USP9X: variants seen among roughly 807,000 people sequenced by gnomAD.
USP9X encodes the protein ubiquitin specific peptidase 9 X-linked.
In USP9X, 7 loss-of-function variants were observed where a neutral mutation model predicts 190.3. The ratio of observed to expected loss-of-function variants is 0.04; its 90% CI spans 0.02 to 0.07. USP9X has a LOEUF of 0.07. USP9X is among the 10% of genes least tolerant of loss of function. USP9X has a pLI of 1.00. For synonymous variants in USP9X, 645 were observed against 659.5 expected (o/e 0.98, Z 0.34); for missense variants, 1,010 against 1,916.9 (o/e 0.53, Z 8.83).
At chrX:41,147,779 C>T (rs769363984) in intron 11 of USP9X, among the ~76,000 whole-genome samples, 2 of 111,954 alleles carry the variant, frequency 1.8e-5, no homozygotes, top group African/African-American at 3.2e-5. Context: ...TGCTGTTTGA[C>T]GTTAAGTTCG....
chrX:41,219,375 C>T, intron 38 of USP9X, 144 bp downstream of exon 38: 3 of 558,637 alleles, frequency 5.4e-6, no homozygotes, highest in South Asian at 7.1e-5. Flanking sequence ...CTGAACATGG[C>T]ACTTTCACCT....
intron 31 of USP9X, among the ~76,000 whole-genome samples, chrX:41,202,980 C>A (rs188953489): frequency 2.7e-5 from 3 of 111,293 alleles, no homozygotes; most frequent in African/African-American, 9.8e-5. Context: ...GTTTTTGTTT[C>A]CATCCCTAGA....
At chrX:41,099,096 GTTTTTTT>G (rs34179321) in intron 1 of USP9X, among the ~76,000 whole-genome samples, 4 of 44,274 alleles carry the variant, frequency 9.0e-5, no homozygotes, top group East Asian at 9.8e-4. Context: ...CCAGATAATT[GTTTTTTT>G]TTTTTTTTTT....
chrX:41,203,099 T>A (rs2063057455), intron 31 of USP9X, among the ~76,000 whole-genome samples: 1 of 112,431 alleles, frequency 8.9e-6, no homozygotes, highest in Admixed American at 9.4e-5. Flanking sequence ...AACACATTCT[T>A]CTTTGTAGCT....
intron 11 of USP9X, among the ~76,000 whole-genome samples, chrX:41,147,949 G>A (rs2062485285): frequency 9.0e-6 from 1 of 111,129 alleles, no homozygotes; most frequent in Non-Finnish European, 1.9e-5. Flanking sequence ...CAGCTTAACC[G>A]TGAGTTTTGG....
chrX:41,156,945 A>G (rs2062584354), intron 14 of USP9X, among the ~76,000 whole-genome samples: 2 of 111,890 alleles, frequency 1.8e-5, no homozygotes, highest in Admixed American at 1.9e-4. Context: ...AGATAAAGAG[A>G]TGGCCAAGAC....
rs2062208548 is a variant in USP9X, at chrX:41,123,570, C to A, written c.-59C>A. Reference sequence around the variant, plus strand: ...ATCTTCTATAAGTGGACTATAATTTCTTTTCTCAAGACAACTACATAAGCA... The same window carrying A: ...ATCTTCTATAAGTGGACTATAATTTATTTTCTCAAGACAACTACATAAGCA... On this transcript the variant is annotated 5_prime_UTR_variant, in exon 2 of 45. Coordinates refer to ENST00000378308, the MANE Select transcript of USP9X (RefSeq NM_001039591.3). 3 of 1,016,716 alleles carry A rather than the reference C, an allele frequency of 3.0e-6. No homozygotes were observed. The highest frequency in any genetic ancestry group is 4.1e-6 in the Non-Finnish European group (3 of 728,160). 83.8% of individuals were successfully genotyped at this position (1,016,716 alleles called of 1,213,427 possible).
chrX:41,150,047 G>C (rs975220743), intron 12 of USP9X, among the ~76,000 whole-genome samples: 4 of 110,280 alleles, frequency 3.6e-5, no homozygotes, highest in African/African-American at 1.3e-4. Flanking sequence ...CGATTATGGC[G>C]CCATTAAAAG....
At chrX:41,168,339 AC>A in intron 18 of USP9X, 121 bp downstream of exon 18, 1 of 638,766 alleles carries the variant, frequency 1.6e-6, no homozygotes. Context: ...CCCATTAAAA[AC>A]ATTTTCATTT....
At chrX:41,203,642 A>G (rs1345670875) in intron 31 of USP9X, among the ~76,000 whole-genome samples, 1 of 111,712 alleles carries the variant, frequency 9.0e-6, no homozygotes, top group African/African-American at 3.3e-5. Flanking sequence ...CAATATTTCC[A>G]GGCATATGCT....
At position 41,171,650 on chromosome X, in the gene USP9X, T is replaced by A. The variant is rs41311841; in HGVS notation, c.3028-188T>A. 62,153 of 510,105 alleles carry A rather than the reference T, an allele frequency of 0.12. 3,287 individuals carry two copies. The highest frequency in any genetic ancestry group is 0.25 in the Admixed American group (9,036 of 35,697). 42.0% of individuals were successfully genotyped at this position (510,105 alleles called of 1,213,427 possible). On this transcript the variant is annotated intron_variant, in intron 20 of 44. Coordinates refer to ENST00000378308, the MANE Select transcript of USP9X (RefSeq NM_001039591.3). ...CACAAAAAAATGACTGGAAGTGACT[T>A]GATGATGTATTTGATCTGCACTATT...
chrX:41,215,748 G>A (rs1371516902), intron 34 of USP9X, 151 bp from the exon 35 acceptor site: 73 of 538,033 alleles, frequency 1.4e-4, no homozygotes, highest in Non-Finnish European at 1.6e-4. Flanking sequence ...TCAGCTGATA[G>A]GATTATCTTG....
Position 41,208,677 on chromosome X carries a change from A to AT in USP9X, c.5016-1822dup, listed in dbSNP as rs376230706. ...CATATGTGTGCTTGGTTTTTGGTTT[A>AT]TTTTTTTTTTAAGTTTTGTTTGTTT... On this transcript the variant is annotated intron_variant, in intron 32 of 44. Transcript: ENST00000378308. Among the ~76,000 whole-genome samples, 314 of 105,410 alleles carry AT rather than the reference A, an allele frequency of 3.0e-3. 1 individual carries two copies. Among genetic ancestry groups the AT allele is most frequent in the African/African-American group, 9.3e-3 (271 of 29,032 alleles). The allele number at this position is 105,410 out of a possible 115,157, so 91.5% of individuals were successfully genotyped here. A position where few individuals can be genotyped will look rare whatever the true frequency, so the allele number is the denominator to read the frequency against.
intron 1 of USP9X, among the ~76,000 whole-genome samples, chrX:41,103,303 A>G (rs1257436244): frequency 8.9e-6 from 1 of 112,724 alleles, no homozygotes; most frequent in Non-Finnish European, 1.9e-5. Context: ...TCTTTTTAAA[A>G]TAAGTCTTTT....
chrX:41,147,681 G>A (rs62584106), intron 11 of USP9X, among the ~76,000 whole-genome samples: 3 of 110,719 alleles, frequency 2.7e-5, no homozygotes, highest in African/African-American at 9.8e-5. Flanking sequence ...TTGAACTCCC[G>A]ACCTCAGGTA....
intron 3 of USP9X, among the ~76,000 whole-genome samples, chrX:41,130,737 TC>T (rs1436535259): frequency 9.5e-6 from 1 of 105,750 alleles, no homozygotes; most frequent in African/African-American, 3.5e-5. Flanking sequence ...CTTTTTTTTT[TC>T]CTTTTGAGAC....
intron 14 of USP9X, among the ~76,000 whole-genome samples, chrX:41,158,033 G>GC (rs1432813670): frequency 2.7e-5 from 3 of 111,388 alleles, no homozygotes; most frequent in Non-Finnish European, 5.7e-5. Flanking sequence ...ATAGATTTGA[G>GC]CTGGCAGAAG....
At chrX:41,136,392 C>A (rs1286759846) in intron 5 of USP9X, among the ~76,000 whole-genome samples, 1 of 112,022 alleles carries the variant, frequency 8.9e-6, no homozygotes, top group Non-Finnish European at 1.9e-5. Context: ...AACTCCTGGC[C>A]TCAAGTGATC....
At position 41,169,703 on chromosome X, in the gene USP9X, G is replaced by A. The variant is rs773216926; in HGVS notation, c.2637-292G>A. On this transcript the variant is annotated intron_variant, in intron 18 of 44. Transcript: ENST00000378308. Reference sequence around the variant, plus strand: ...ACTACTGACCTCAAGTGATCCACCCGCCTCGGCCTCCCAAAGTGCTGGGAT... The same window carrying A: ...ACTACTGACCTCAAGTGATCCACCCACCTCGGCCTCCCAAAGTGCTGGGAT... Among the ~76,000 whole-genome samples the A allele has an allele frequency of 5.4e-5, 6 of 110,641 alleles. No homozygotes were observed. In the East Asian group the frequency reaches 1.7e-3, roughly 32 times the overall value.
Sources: gnomAD v4.1 joint callset for allele counts (sites outside exome capture counted in the v4.1 genomes callset) on GRCh38, gnomAD v4.1.1 for gene constraint, MANE v1.5 for transcripts, NCBI Gene and HGNC (gene_info 2026-07-23, HGNC 2026-07-21) for gene names.